KSR2: variants seen among roughly 807,000 people sequenced by gnomAD.
KSR2 encodes the protein kinase suppressor of ras 2.
KSR2 carries 25 observed loss-of-function variants against 107.8 expected under a neutral mutation model. That is an observed-to-expected ratio of 0.23 (90% CI 0.17 to 0.32). The LOEUF (loss-of-function observed/expected upper bound fraction) is 0.32. Ranked by LOEUF, KSR2 falls within the 10% of genes least tolerant of loss-of-function variation. The pLI, the probability that KSR2 is intolerant of heterozygous loss-of-function variation, is 1.00. For missense variants in KSR2, 887 were observed against 1,268.9 expected (o/e 0.70, Z 4.57); for synonymous variants, 480 against 507.0 (o/e 0.95, Z 0.71).
intron 1 of KSR2, among the ~76,000 whole-genome samples, chr12:117,874,190 G>T (rs1893752153): frequency 6.6e-6 from 1 of 152,010 alleles, no homozygotes; most frequent in Non-Finnish European, 1.5e-5. Context: ...TTCCAGAATG[G>T]TTCCTTGAGT....
intron 4 of KSR2, among the ~76,000 whole-genome samples, chr12:117,717,664 C>G (rs1887036949): frequency 7.4e-6 from 1 of 135,884 alleles, no homozygotes; most frequent in African/African-American, 2.9e-5. Flanking sequence ...GTGGGGCAGA[C>G]AGGTGTGTGT....
At chr12:117,493,828 T>C (rs912974602) in intron 14 of KSR2, among the ~76,000 whole-genome samples, 7 of 152,176 alleles carry the variant, frequency 4.6e-5, no homozygotes, top group African/African-American at 1.4e-4. Context: ...ATTCTCGTGA[T>C]AGGGAATAAG....
chr12:117,484,281 G>GAGC (rs1872333918), intron 16 of KSR2, 135 bp downstream of exon 16: 1 of 951,320 alleles, frequency 1.1e-6, no homozygotes, highest in African/African-American at 1.6e-5. Flanking sequence ...CACATCAGTA[G>GAGC]AGCAGCTGCC....
At chr12:117,491,713 C>T (rs11068513) in intron 14 of KSR2, among the ~76,000 whole-genome samples, 15,664 of 152,210 alleles carry the variant, frequency 0.1, 1,449 homozygotes, top group African/African-American at 0.25. Context: ...GATCTCTCTT[C>T]GACATGCTGA....
chr12:117,732,007 C>G (rs375813195), intron 4 of KSR2, among the ~76,000 whole-genome samples: 78 of 146,946 alleles, frequency 5.3e-4, no homozygotes, highest in Non-Finnish European at 7.2e-4. Flanking sequence ...TCCCCCTCTC[C>G]GAGAAACACC....
chr12:117,734,079 G>C (rs1887837594), intron 4 of KSR2, among the ~76,000 whole-genome samples: 1 of 152,124 alleles, frequency 6.6e-6, no homozygotes. Context: ...TTAAGAGTTT[G>C]AGACCAGCCT....
chr12:117,523,351 C>G (rs903528946), intron 14 of KSR2, among the ~76,000 whole-genome samples: 2 of 152,160 alleles, frequency 1.3e-5, no homozygotes, highest in Admixed American at 1.3e-4. Context: ...AAGGAGAGAG[C>G]TCCTAACAGC....
At chr12:117,782,094 T>C (rs1593230620) in intron 3 of KSR2, among the ~76,000 whole-genome samples, 2 of 152,184 alleles carry the variant, frequency 1.3e-5, no homozygotes, top group South Asian at 4.1e-4. Context: ...GATTATTCTT[T>C]CCACATGTCT....
intron 4 of KSR2, among the ~76,000 whole-genome samples, chr12:117,717,666 G>GGTGTGTGTGTGT (rs55910019): frequency 6.2e-5 from 9 of 144,476 alleles, no homozygotes; most frequent in South Asian, 4.6e-4. Context: ...GGGGCAGACA[G>GGTGTGTGTGTGT]GTGTGTGTGT....
chr12:117,541,695 G>A (rs1206828605), intron 9 of KSR2, among the ~76,000 whole-genome samples: 1 of 152,012 alleles, frequency 6.6e-6, no homozygotes, highest in African/African-American at 2.4e-5. Context: ...AAGAGTAGGT[G>A]TGGCGAACAC....
At chr12:117,966,134 T>C (rs1237438647) in intron 1 of KSR2, among the ~76,000 whole-genome samples, 1 of 151,892 alleles carries the variant, frequency 6.6e-6, no homozygotes, top group East Asian at 1.9e-4. Flanking sequence ...GGAAAACCAC[T>C]AGGCAGAAAG....
chr12:117,876,273 C>A (rs1053563908), intron 1 of KSR2, among the ~76,000 whole-genome samples: 2 of 152,216 alleles, frequency 1.3e-5, no homozygotes, highest in African/African-American at 4.8e-5. Flanking sequence ...AGTAACCGGC[C>A]AATTTGCATC....
chr12:117,763,188 A>G (rs571976573), intron 3 of KSR2, among the ~76,000 whole-genome samples: 21 of 151,816 alleles, frequency 1.4e-4, no homozygotes, highest in African/African-American at 4.8e-4. Context: ...ATGATTTCCA[A>G]TTTCATCCAT....
At chr12:117,535,438 T>C (rs942689487) in intron 10 of KSR2, among the ~76,000 whole-genome samples, 1 of 152,010 alleles carries the variant, frequency 6.6e-6, no homozygotes, top group Non-Finnish European at 1.5e-5. Context: ...GTGATGAGCA[T>C]AAAAGAGGCA....
At chr12:117,838,239 C>G (rs1299630715) in intron 3 of KSR2, among the ~76,000 whole-genome samples, 1 of 152,246 alleles carries the variant, frequency 6.6e-6, no homozygotes, top group Non-Finnish European at 1.5e-5. Context: ...ACAATCTCAG[C>G]TCACTGTAAC....
In KSR2 at chr12:117,964,228, G is replaced by A. The variant is rs74546845; in HGVS notation, c.180+3848C>T. On this transcript the variant is annotated intron_variant, in intron 1 of 19. Transcript: ENST00000339824. ...AGGAGGCAGAGTGAGCTGAGATTGCGCCACTGCACTCCAGCCTGGGTGACA... is the reference window on the plus strand; with the variant it reads ...AGGAGGCAGAGTGAGCTGAGATTGCACCACTGCACTCCAGCCTGGGTGACA... Among the ~76,000 whole-genome samples the A allele has an allele frequency of 8.1e-3, 1,239 of 152,232 alleles. 19 individuals are homozygous for A. Among genetic ancestry groups the A allele is most frequent in the African/African-American group, 0.028 (1,174 of 41,542 alleles).
intron 3 of KSR2, among the ~76,000 whole-genome samples, chr12:117,840,678 A>G (rs12370301): frequency 0.58 from 87,900 of 151,800 alleles, 26,909 homozygotes; most frequent in African/African-American, 0.79. Context: ...TTACAGGCGT[A>G]AGCCACCACG....
chr12:117,866,272 C>T (rs1010046977), intron 1 of KSR2, among the ~76,000 whole-genome samples: 1 of 152,036 alleles, frequency 6.6e-6, no homozygotes, highest in African/African-American at 2.4e-5. Context: ...AGGCTGGTCT[C>T]TAACTCCTGG....
At chr12:117,894,964 C>G (rs892991857) in intron 1 of KSR2, among the ~76,000 whole-genome samples, 1 of 151,758 alleles carries the variant, frequency 6.6e-6, no homozygotes, top group Non-Finnish European at 1.5e-5. Flanking sequence ...CTTCGTGGAG[C>G]TATGCCTGAA....
Sources: allele counts gnomAD v4.1 joint callset (sites outside exome capture counted in the v4.1 genomes callset), GRCh38; gene constraint gnomAD v4.1.1; transcripts MANE v1.5; gene names NCBI Gene and HGNC (gene_info 2026-07-23, HGNC 2026-07-21).